The following NCOA1 variants were observed in gnomAD, a reference collection of about 807,000 sequenced individuals.
NCOA1 encodes the protein nuclear receptor coactivator 1.
In NCOA1, 35 loss-of-function variants were observed where a neutral mutation model predicts 150.9. The observed-to-expected ratio is 0.23, with a 90% confidence interval of 0.18 to 0.31. The LOEUF (loss-of-function observed/expected upper bound fraction) is 0.31. Among genes scored for constraint, NCOA1 ranks in the 10% least tolerant of loss-of-function variants. The probability of loss-of-function intolerance (pLI) is 1.00; values close to 1 mark genes in which losing one functional copy is unlikely to be tolerated. For missense variants in NCOA1, 1,491 were observed against 1,749.3 expected (o/e 0.85, Z 2.63); for synonymous variants, 590 against 630.0 (o/e 0.94, Z 0.95).
At chr2:24,623,811 A>G (rs772066978) in intron 3 of NCOA1, among the ~76,000 whole-genome samples, 3 of 152,018 alleles carry the variant, frequency 2.0e-5, no homozygotes, top group Non-Finnish European at 4.4e-5. Flanking sequence ...CTCCTCCTAT[A>G]AGGACACCAG....
chr2:24,542,314 G>T (rs945975107), intron 1 of NCOA1, among the ~76,000 whole-genome samples: 1 of 152,136 alleles, frequency 6.6e-6, no homozygotes, highest in African/African-American at 2.4e-5. Context: ...AAGGATAAGA[G>T]GGAAAATTCT....
intron 13 of NCOA1, among the ~76,000 whole-genome samples, chr2:24,708,653 C>G (rs55893108): frequency 0.031 from 4,701 of 152,194 alleles, 113 homozygotes; most frequent in South Asian, 0.052. Flanking sequence ...AGAATATAGA[C>G]ATTCATTAAT....
At chr2:24,544,197 C>T (rs962679555) in intron 1 of NCOA1, among the ~76,000 whole-genome samples, 3 of 151,686 alleles carry the variant, frequency 2.0e-5, no homozygotes, top group Admixed American at 1.3e-4. Context: ...GTAGATAAAC[C>T]CTGGAGGAGA....
intron 1 of NCOA1, among the ~76,000 whole-genome samples, chr2:24,549,562 A>T (rs1198345072): frequency 6.6e-6 from 1 of 151,762 alleles, no homozygotes; most frequent in African/African-American, 2.4e-5. Context: ...CCATATTTTT[A>T]TGCTCTATTT....
chr2:24,671,013 C>CTTA (rs1435187715), intron 6 of NCOA1, among the ~76,000 whole-genome samples: 3 of 152,138 alleles, frequency 2.0e-5, no homozygotes, highest in Non-Finnish European at 4.4e-5. Context: ...TTACGCAGAC[C>CTTA]TTATGATCCT....
At chr2:24,518,900 G>A (rs187454828) in intron 1 of NCOA1, among the ~76,000 whole-genome samples, 1 of 152,270 alleles carries the variant, frequency 6.6e-6, no homozygotes, top group East Asian at 1.9e-4. Context: ...CTTCCCCCAA[G>A]TGTTCTGTGT....
chr2:24,496,057 ACT>A (rs1469592869), intron 1 of NCOA1, among the ~76,000 whole-genome samples: 1 of 152,072 alleles, frequency 6.6e-6, no homozygotes, highest in African/African-American at 2.4e-5. Context: ...AGTCACATTG[ACT>A]CTGTGGGCCT....
intron 11 of NCOA1, among the ~76,000 whole-genome samples, chr2:24,704,492 T>A (rs917366655): frequency 2.6e-5 from 4 of 152,116 alleles, no homozygotes; most frequent in Admixed American, 2.6e-4. Flanking sequence ...AAGATTAAGG[T>A]TGGGCCAGGC....
chr2:24,570,466 G>A (rs1037058645), intron 2 of NCOA1, among the ~76,000 whole-genome samples: 1 of 152,170 alleles, frequency 6.6e-6, no homozygotes, highest in Admixed American at 6.5e-5. Context: ...GATACTTCAA[G>A]AACTCATTAG....
chr2:24,628,649 G>A (rs1669539221), intron 3 of NCOA1, among the ~76,000 whole-genome samples: 1 of 152,296 alleles, frequency 6.6e-6, no homozygotes, highest in South Asian at 2.1e-4. Flanking sequence ...TGCTATGAAA[G>A]TACAGTGGAG....
chr2:24,518,580 C>T (rs879311683), intron 1 of NCOA1, among the ~76,000 whole-genome samples: 32 of 151,638 alleles, frequency 2.1e-4, no homozygotes, highest in Non-Finnish European at 3.2e-4. Context: ...TGATTATCTA[C>T]GGATAGATTC....
At chr2:24,768,110 T>C in intron 22 of NCOA1, 111 bp from the exon 23 acceptor site, 1 of 1,614,038 alleles carries the variant, frequency 6.2e-7, no homozygotes, top group South Asian at 1.1e-5. Context: ...TTCTCTGTGG[T>C]GACTACAGAC....
chr2:24,664,513 A>G (rs1238004567), intron 5 of NCOA1, among the ~76,000 whole-genome samples: 1 of 152,160 alleles, frequency 6.6e-6, no homozygotes, highest in East Asian at 1.9e-4. Context: ...GATCGAGACC[A>G]TCCTGGCCAA....
In NCOA1 at chr2:24,757,636, A is replaced by G. The variant is rs55697040; in HGVS notation, c.3882-337A>G. On this transcript the variant is annotated intron_variant, in intron 20 of 22. Coordinates refer to ENST00000348332, the MANE Select transcript of NCOA1 (RefSeq NM_003743.5). ...ATATATATGCCAGACACTTTGCTCA[A>G]ATAGGACATTCTCTGTTTAGATAGG... Among the ~76,000 whole-genome samples the G allele has an allele frequency of 2.5e-3, 382 of 152,238 alleles. 2 individuals are homozygous for G. Among genetic ancestry groups the G allele is most frequent in the Non-Finnish European group, 4.6e-3 (316 of 68,000 alleles).
intron 1 of NCOA1, among the ~76,000 whole-genome samples, chr2:24,508,354 A>G (rs1415463756): frequency 2.0e-5 from 3 of 152,158 alleles, no homozygotes; most frequent in Admixed American, 2.0e-4. Context: ...AGGTTATAGC[A>G]TAGGCAGAGT....
intron 3 of NCOA1, among the ~76,000 whole-genome samples, chr2:24,586,220 G>T (rs899979615): frequency 2.3e-5 from 3 of 132,284 alleles, no homozygotes; most frequent in Non-Finnish European, 4.6e-5. Flanking sequence ...AGCTTGCAAA[G>T]AGCCGATATC....
intron 1 of NCOA1, among the ~76,000 whole-genome samples, chr2:24,499,045 A>T (rs1245610767): frequency 1.3e-5 from 2 of 152,064 alleles, no homozygotes; most frequent in Non-Finnish European, 2.9e-5. Context: ...ATTATGAATT[A>T]TGCCTTAACC....
intron 14 of NCOA1, among the ~76,000 whole-genome samples, chr2:24,723,654 T>G (rs1437329974): frequency 1.3e-5 from 2 of 152,238 alleles, no homozygotes; most frequent in Non-Finnish European, 2.9e-5. Context: ...TTTCTTTTAT[T>G]GTGAATTAGA....
At chr2:24,767,061 T>C (rs1032696128) in intron 22 of NCOA1, among the ~76,000 whole-genome samples, 2 of 152,024 alleles carry the variant, frequency 1.3e-5, no homozygotes, top group African/African-American at 4.8e-5. Context: ...AAAGTGGAGA[T>C]ATAAACGGAT....
Sources: allele counts gnomAD v4.1 joint callset (sites outside exome capture counted in the v4.1 genomes callset), GRCh38; gene constraint gnomAD v4.1.1; transcripts MANE v1.5; gene names NCBI Gene and HGNC (gene_info 2026-07-23, HGNC 2026-07-21).